Variants in CUL5 observed in about 807,000 individuals in gnomAD.
The protein encoded by CUL5 is cullin 5.
Under a neutral mutation model 108.8 loss-of-function variants are expected in CUL5, and 26 were observed. That is an observed-to-expected ratio of 0.24 (90% CI 0.18 to 0.33). CUL5 has a LOEUF of 0.33. Ranked by LOEUF, CUL5 falls within the 10% of genes least tolerant of loss-of-function variation. The pLI is 1.00. For synonymous variants in CUL5, 334 were observed against 298.0 expected (o/e 1.12, Z -1.25); for missense variants, 524 against 909.2 (o/e 0.58, Z 5.45).
chr11:108,080,188 C>G (rs2135204253), intron 11 of CUL5, among the ~76,000 whole-genome samples: 1 of 151,120 alleles, frequency 6.6e-6, no homozygotes, highest in Non-Finnish European at 1.5e-5. Context: ...CCTCCACCTC[C>G]TGGGCTTAAG....
intron 3 of CUL5, among the ~76,000 whole-genome samples, chr11:108,048,940 C>T (rs12574572): frequency 0.19 from 28,458 of 151,752 alleles, 3,321 homozygotes; most frequent in East Asian, 0.49. Flanking sequence ...GCTGGGATTA[C>T]AGGCATGAGC....
At chr11:108,084,315 A>G (rs1388529862) in intron 11 of CUL5, among the ~76,000 whole-genome samples, 1 of 152,200 alleles carries the variant, frequency 6.6e-6, no homozygotes. Flanking sequence ...AACCTTTCAG[A>G]GGTTACTTGA....
chr11:108,089,668 C>A (rs370194703), intron 13 of CUL5, 45 bp downstream of exon 13: 5 of 1,041,640 alleles, frequency 4.8e-6, no homozygotes, highest in Non-Finnish European at 6.7e-6. Context: ...TACATTACAT[C>A]ATTTATATGT....
At chr11:108,029,371 A>C (rs537177632) in intron 1 of CUL5, among the ~76,000 whole-genome samples, 2 of 152,326 alleles carry the variant, frequency 1.3e-5, no homozygotes, top group Non-Finnish European at 1.5e-5. Context: ...AGAGCCAGTG[A>C]ATGAGAGAAT....
chr11:108,046,580 A>G lies in CUL5; in HGVS notation c.234+211A>G, dbSNP rs75805745. ...TACTTCTGTCAAGAGAGTACATATTATATTTAATTAAAAGATGCTATAGCG... is the reference window on the plus strand; with the variant it reads ...TACTTCTGTCAAGAGAGTACATATTGTATTTAATTAAAAGATGCTATAGCG... On this transcript the variant is annotated intron_variant, in intron 3 of 18. Coordinates refer to ENST00000393094, the MANE Select transcript of CUL5 (RefSeq NM_003478.6). 1,887 of 416,604 alleles carry G rather than the reference A, an allele frequency of 4.5e-3. 39 individuals carry two copies. Among genetic ancestry groups the G allele is most frequent in the African/African-American group, 0.036 (1,748 of 49,186 alleles). 25.8% of individuals were successfully genotyped at this position (416,604 alleles called of 1,614,324 possible). A position where few individuals can be genotyped will look rare whatever the true frequency, so the allele number is the denominator to read the frequency against.
intron 13 of CUL5, among the ~76,000 whole-genome samples, chr11:108,091,908 G>T (rs977586252): frequency 6.6e-6 from 1 of 152,074 alleles, no homozygotes; most frequent in South Asian, 2.1e-4. Context: ...AGGCTGAGGT[G>T]GGAGGATTGC....
chr11:108,092,119 A>G (rs572915472), intron 13 of CUL5, among the ~76,000 whole-genome samples: 2 of 152,356 alleles, frequency 1.3e-5, no homozygotes, highest in East Asian at 3.9e-4. Context: ...CCTGGGCAAC[A>G]GAGTGAGACC....
At chr11:108,073,201 CAAAA>C (rs371051952) in intron 9 of CUL5, among the ~76,000 whole-genome samples, 185 bp from the exon 10 acceptor site, 1 of 100,342 alleles carries the variant, frequency 1.0e-5, no homozygotes, top group Admixed American at 1.1e-4. Context: ...GACTCCGTCT[CAAAA>C]AAAAAAAAAG....
intron 11 of CUL5, among the ~76,000 whole-genome samples, chr11:108,083,201 T>G (rs1449771900): frequency 2.0e-5 from 3 of 152,144 alleles, no homozygotes; most frequent in Non-Finnish European, 2.9e-5. Flanking sequence ...TCACTCTTAG[T>G]CTTTTGCCAT....
intron 3 of CUL5, among the ~76,000 whole-genome samples, chr11:108,048,510 A>C (rs1316530276): frequency 6.6e-6 from 1 of 152,138 alleles, no homozygotes; most frequent in East Asian, 1.9e-4. Context: ...CCAGCCTTTG[A>C]GATGAAAGTG....
At chr11:108,021,444 A>G (rs936802612) in intron 1 of CUL5, among the ~76,000 whole-genome samples, 4 of 152,210 alleles carry the variant, frequency 2.6e-5, no homozygotes, top group Admixed American at 6.5e-5. Context: ...CAAGATATAC[A>G]GCAATAATAA....
chr11:108,102,845 T>C (rs993673385), intron 18 of CUL5, among the ~76,000 whole-genome samples: 2 of 152,176 alleles, frequency 1.3e-5, no homozygotes, highest in African/African-American at 4.8e-5. Context: ...TCTCAGGCTG[T>C]GGTGCAGTGG....
chr11:108,092,403 A>C (rs1434889139), intron 13 of CUL5, among the ~76,000 whole-genome samples: 2 of 152,230 alleles, frequency 1.3e-5, no homozygotes, highest in Non-Finnish European at 2.9e-5. Context: ...CTTGTAAACA[A>C]ATGTTCATGG....
intron 7 of CUL5, among the ~76,000 whole-genome samples, chr11:108,066,090 C>A (rs1225181925): frequency 2.0e-5 from 3 of 152,182 alleles, no homozygotes; most frequent in Non-Finnish European, 4.4e-5. Context: ...CCTCTAATCC[C>A]AGCACTTTGG....
chr11:108,027,564 G>A (rs1347666031), intron 1 of CUL5, among the ~76,000 whole-genome samples: 1 of 151,886 alleles, frequency 6.6e-6, no homozygotes, highest in Admixed American at 6.6e-5. Flanking sequence ...GAGCCACCGT[G>A]CCCAGCCAAA....
intron 1 of CUL5, among the ~76,000 whole-genome samples, chr11:108,015,188 C>G (rs1435989203): frequency 1.3e-5 from 2 of 152,140 alleles, no homozygotes; most frequent in African/African-American, 4.8e-5. Flanking sequence ...CATGAGCCAT[C>G]ACAGCTGGCT....
intron 2 of CUL5, among the ~76,000 whole-genome samples, chr11:108,043,013 T>A (rs1435337099): frequency 1.3e-5 from 2 of 152,198 alleles, no homozygotes; most frequent in Non-Finnish European, 2.9e-5. Context: ...TGTGTCCACC[T>A]CGGCCTCCCA....
At chr11:108,014,401 A>T (rs572252596) in intron 1 of CUL5, among the ~76,000 whole-genome samples, 1 of 152,254 alleles carries the variant, frequency 6.6e-6, no homozygotes, top group East Asian at 1.9e-4. Flanking sequence ...AGTGAAAGGG[A>T]AGTCGGGTCA....
intron 7 of CUL5, among the ~76,000 whole-genome samples, chr11:108,060,364 G>A (rs774143430): frequency 4.6e-5 from 7 of 152,160 alleles, no homozygotes; most frequent in Non-Finnish European, 7.3e-5. Context: ...TAATGATAGA[G>A]TAGAATCATA....
Sources: gnomAD v4.1 joint callset for allele counts (sites outside exome capture counted in the v4.1 genomes callset) on GRCh38, gnomAD v4.1.1 for gene constraint, MANE v1.5 for transcripts, NCBI Gene and HGNC (gene_info 2026-07-23, HGNC 2026-07-21) for gene names.